The following CCNY variants were observed in gnomAD, a reference collection of about 807,000 sequenced individuals.
CCNY encodes the protein cyclin-Y.
Under a neutral mutation model 42.8 loss-of-function variants are expected in CCNY, and 19 were observed. That is an observed-to-expected ratio of 0.44 (90% CI 0.31 to 0.65). The LOEUF (loss-of-function observed/expected upper bound fraction) is 0.65. CCNY is among the 30% of genes least tolerant of loss of function. The pLI is 0.07. For synonymous variants in CCNY, 165 were observed against 162.7 expected (o/e 1.01, Z -0.11); for missense variants, 370 against 437.3 (o/e 0.85, Z 1.37).
intron 4 of CCNY, among the ~76,000 whole-genome samples, chr10:35,522,298 T>G (rs1261789373): frequency 6.6e-6 from 1 of 152,220 alleles, no homozygotes; most frequent in Non-Finnish European, 1.5e-5. Flanking sequence ...TCACAGTTTC[T>G]GGGCCCCTGA....
At chr10:35,514,833 A>C (rs1056984466) in intron 3 of CCNY, among the ~76,000 whole-genome samples, 1 of 152,198 alleles carries the variant, frequency 6.6e-6, no homozygotes, top group African/African-American at 2.4e-5. Flanking sequence ...CTGACTTTTA[A>C]TGTTAAATAT....
intron 1 of CCNY, among the ~76,000 whole-genome samples, chr10:35,359,486 CTT>C: frequency 6.8e-6 from 1 of 147,714 alleles, no homozygotes; most frequent in South Asian, 2.2e-4. Flanking sequence ...CATTTTAACT[CTT>C]TATTTATTAT....
intron 1 of CCNY, among the ~76,000 whole-genome samples, chr10:35,468,411 G>A (rs1377740496): frequency 2.0e-5 from 3 of 152,164 alleles, no homozygotes; most frequent in Non-Finnish European, 2.9e-5. Context: ...AGACGTGTGT[G>A]TATATGTGTG....
At chr10:35,534,909 A>G (rs1404051096) in intron 7 of CCNY, among the ~76,000 whole-genome samples, 2 of 150,818 alleles carry the variant, frequency 1.3e-5, no homozygotes, top group African/African-American at 4.9e-5. Context: ...CATGTATAGT[A>G]TGTCCTTTTT....
rs115479159 is a variant in CCNY, at chr10:35,493,899, C to T, written c.230-7602C>T. On this transcript the variant is annotated intron_variant, in intron 2 of 9. Coordinates refer to ENST00000374704, the MANE Select transcript of CCNY (RefSeq NM_145012.6). ...TTTGCTCAGCTGGATTGAGTTTCTTCCCTGACTTGGGTCTGTGCCATCTTC... is the reference window on the plus strand; with the variant it reads ...TTTGCTCAGCTGGATTGAGTTTCTTTCCTGACTTGGGTCTGTGCCATCTTC... Among the ~76,000 whole-genome samples the T allele has an allele frequency of 5.3e-3, 806 of 152,266 alleles. 8 individuals carry two copies. The highest frequency in any genetic ancestry group is 0.016 in the African/African-American group (657 of 41,554).
intron 3 of CCNY, among the ~76,000 whole-genome samples, chr10:35,288,402 C>A (rs1835377866): frequency 6.6e-6 from 1 of 151,860 alleles, no homozygotes; most frequent in Non-Finnish European, 1.5e-5. Context: ...TCTATATATT[C>A]TAGAAATGAA....
chr10:35,560,101 C>T (rs1841437462), intron 8 of CCNY, among the ~76,000 whole-genome samples: 2 of 152,102 alleles, frequency 1.3e-5, no homozygotes. Flanking sequence ...GGAATTTTGC[C>T]TTAGGATGAA....
intron 1 of CCNY, among the ~76,000 whole-genome samples, chr10:35,479,690 A>G (rs1480728690): frequency 6.6e-6 from 1 of 151,214 alleles, no homozygotes; most frequent in Non-Finnish European, 1.5e-5. Context: ...GCACACCAGC[A>G]TGGCACATGT....
At chr10:35,352,741 A>G (rs1408328723) in intron 1 of CCNY, among the ~76,000 whole-genome samples, 1 of 152,158 alleles carries the variant, frequency 6.6e-6, no homozygotes, top group Non-Finnish European at 1.5e-5. Flanking sequence ...AAGGGACACC[A>G]GAGTCCCCTG....
chr10:35,517,135 A>C (rs1480364005), intron 4 of CCNY, among the ~76,000 whole-genome samples: 1 of 152,148 alleles, frequency 6.6e-6, no homozygotes, highest in Non-Finnish European at 1.5e-5. Flanking sequence ...CTCTCTCACC[A>C]ACAAAGAGAA....
At chr10:35,471,489 T>C (rs1394981357) in intron 1 of CCNY, among the ~76,000 whole-genome samples, 5 of 152,310 alleles carry the variant, frequency 3.3e-5, no homozygotes, top group African/African-American at 9.6e-5. Flanking sequence ...AGATGAGCAA[T>C]TGTGGATCAC....
intron 7 of CCNY, among the ~76,000 whole-genome samples, chr10:35,547,769 C>G (rs532222453): frequency 5.9e-5 from 9 of 152,286 alleles, no homozygotes; most frequent in East Asian, 1.9e-4. Context: ...AGGGAGCACG[C>G]TCTGCCGGCC....
chr10:35,259,970 T>A (rs1256637053), intron 3 of CCNY, among the ~76,000 whole-genome samples: 4 of 152,056 alleles, frequency 2.6e-5, no homozygotes, highest in African/African-American at 9.7e-5. Context: ...CTTACAGCCA[T>A]TTTCTATTAT....
At chr10:35,315,266 C>T (rs1835741769) in intron 3 of CCNY, 1 of 152,084 alleles carries the variant, frequency 6.6e-6, no homozygotes, top group African/African-American at 2.4e-5. Flanking sequence ...TTCCTCTTAC[C>T]CTCCTCCCTC....
At chr10:35,505,311 G>A (rs1589165201) in intron 3 of CCNY, among the ~76,000 whole-genome samples, 5 of 152,084 alleles carry the variant, frequency 3.3e-5, no homozygotes, top group Admixed American at 6.5e-5. Flanking sequence ...GAATGAATGA[G>A]GAGTTGAATA....
intron 1 of CCNY, among the ~76,000 whole-genome samples, chr10:35,459,533 G>A (rs1221597587): frequency 6.6e-6 from 1 of 152,196 alleles, no homozygotes; most frequent in Non-Finnish European, 1.5e-5. Context: ...CTAATGAAGT[G>A]ACGCTTCTTC....
At chr10:35,259,134 C>T (rs560660122) in intron 3 of CCNY, among the ~76,000 whole-genome samples, 36 of 152,140 alleles carry the variant, frequency 2.4e-4, no homozygotes, top group African/African-American at 7.9e-4. Flanking sequence ...AGATTCTGCC[C>T]GGGTAATTGT....
At chr10:35,432,603 TA>T (rs1838437395) in intron 1 of CCNY, among the ~76,000 whole-genome samples, 1 of 152,366 alleles carries the variant, frequency 6.6e-6, no homozygotes. Flanking sequence ...AGAGCATATA[TA>T]TCTGTCCACC....
At chr10:35,330,790 C>T (rs1298443712) in intron 3 of CCNY, among the ~76,000 whole-genome samples, 1 of 150,954 alleles carries the variant, frequency 6.6e-6, no homozygotes, top group Admixed American at 6.6e-5. Flanking sequence ...AGGCTCGCTC[C>T]TGTCGTGCAG....
Sources: gnomAD v4.1 joint callset for allele counts (sites outside exome capture counted in the v4.1 genomes callset) on GRCh38, gnomAD v4.1.1 for gene constraint, MANE v1.5 for transcripts, NCBI Gene and HGNC (gene_info 2026-07-23, HGNC 2026-07-21) for gene names.